The following MED13 variants were observed in gnomAD, a reference collection of about 807,000 sequenced individuals.
MED13 encodes the protein mediator of RNA polymerase II transcription subunit 13.
In MED13, 23 loss-of-function variants were observed where a neutral mutation model predicts 225.2. The observed-to-expected ratio is 0.10, with a 90% CI of 0.07 to 0.14. The LOEUF is 0.14. Ranked by LOEUF, MED13 falls within the 10% of genes least tolerant of loss-of-function variation. The pLI, the probability that MED13 is intolerant of heterozygous loss-of-function variation, is 1.00. For synonymous variants in MED13, 942 were observed against 889.2 expected (o/e 1.06, Z -1.06); for missense variants, 2,197 against 2,594.5 (o/e 0.85, Z 3.33).
At chr17:62,064,825 C>CA (rs1211653504) in intron 1 of MED13, among the ~76,000 whole-genome samples, 1 of 152,088 alleles carries the variant, frequency 6.6e-6, no homozygotes, top group Non-Finnish European at 1.5e-5. Context: ...AGAAAAGCAA[C>CA]AGTTAAGCAA....
chr17:62,039,748 C>T (rs1347267602), intron 3 of MED13, among the ~76,000 whole-genome samples: 1 of 151,998 alleles, frequency 6.6e-6, no homozygotes, highest in Non-Finnish European at 1.5e-5. Flanking sequence ...CCTGCCACTG[C>T]GTCCGGCTAG....
At chr17:62,018,715 CA>C (rs200425824) in intron 8 of MED13, among the ~76,000 whole-genome samples, 2,304 of 124,670 alleles carry the variant, frequency 0.018, 32 homozygotes, top group African/African-American at 0.05. Context: ...GACCCTATCT[CA>C]AAAAAAAAAA....
intron 20 of MED13, among the ~76,000 whole-genome samples, chr17:61,963,282 A>C (rs533000476): frequency 2.7e-5 from 4 of 149,038 alleles, no homozygotes; most frequent in African/African-American, 9.9e-5. Context: ...TATTAGATAC[A>C]AAAGATGGCT....
At position 61,961,602 on chromosome 17, in the gene MED13, G is replaced by A. The variant is rs772081353; in HGVS notation, c.5242C>T (p.Leu1748Phe). 2 of 1,613,248 alleles carry A rather than the reference G, an allele frequency of 1.2e-6. No individual in the cohort carries two copies. The highest frequency in any genetic ancestry group is 1.1e-5 in the South Asian group (1 of 91,036). Residue 1748 changes from leucine to phenylalanine, a missense_variant, in exon 22 of 30, where the codon CTT becomes TTT. Physicochemically the swap from Leu to Phe is conservative, Grantham distance 22. Transcript: ENST00000397786. ...FGPGLAMETA[L>F]RSPDRPECIR... The stretch of plus-strand genomic sequence containing the variant: ...CATATACTTACATCAGGACTTCTAA[G>A]GGCAGTTTCCATGGCTAAACCTGGA...
chr17:61,964,460 G>A (rs1367421764), intron 20 of MED13, among the ~76,000 whole-genome samples: 1 of 152,090 alleles, frequency 6.6e-6, no homozygotes, highest in Non-Finnish European at 1.5e-5. Flanking sequence ...AGCTACTCAG[G>A]AGGCTGAGGT....
chr17:62,054,565 C>T (rs2080982350), intron 2 of MED13, among the ~76,000 whole-genome samples: 1 of 152,100 alleles, frequency 6.6e-6, no homozygotes, highest in South Asian at 2.1e-4. Context: ...AGTGACTTCA[C>T]TTTAATTAAT....
At chr17:61,971,804 T>G (rs1308104900) in intron 17 of MED13, among the ~76,000 whole-genome samples, 1 of 151,804 alleles carries the variant, frequency 6.6e-6, no homozygotes, top group Admixed American at 6.6e-5. Context: ...CATGGTGGCG[T>G]GCACCCATAC....
At chr17:62,049,145 T>A (rs1050818890) in intron 3 of MED13, among the ~76,000 whole-genome samples, 2 of 127,362 alleles carry the variant, frequency 1.6e-5, no homozygotes, top group South Asian at 2.7e-4. Flanking sequence ...GCAAAGAGAA[T>A]CCCCAAGATG....
chr17:62,008,154 T>C (rs1398751719), intron 9 of MED13, among the ~76,000 whole-genome samples: 1 of 149,238 alleles, frequency 6.7e-6, no homozygotes, highest in Non-Finnish European at 1.5e-5. Flanking sequence ...CCGTCTCTAC[T>C]AAAAAATATA....
chr17:62,064,988 G>C, intron 1 of MED13, 152 bp downstream of exon 1: 2 of 559,772 alleles, frequency 3.6e-6, no homozygotes, highest in Non-Finnish European at 5.9e-6. Flanking sequence ...GCCGCCTCCC[G>C]GGGCTGGCCG....
intron 2 of MED13, among the ~76,000 whole-genome samples, chr17:62,053,615 T>C (rs1471416637): frequency 1.3e-5 from 2 of 152,216 alleles, no homozygotes; most frequent in African/African-American, 4.8e-5. Context: ...AGATTTTAAA[T>C]TGCTTAGTCT....
intron 8 of MED13, among the ~76,000 whole-genome samples, chr17:62,025,466 G>C (rs959874799): frequency 6.6e-6 from 1 of 152,118 alleles, no homozygotes; most frequent in Non-Finnish European, 1.5e-5. Context: ...TCAGGAGTTT[G>C]AGAACAGACT....
In MED13 at chr17:62,010,654, TGGGAA is replaced by T; in HGVS notation, c.1858_1862del (p.Phe620LysfsTer15). On this transcript the variant is annotated frameshift_variant, in exon 9 of 30. Coordinates refer to ENST00000397786, the MANE Select transcript of MED13 (RefSeq NM_005121.3). LOFTEE classifies it high-confidence loss of function. ...GTAAAAACTCTACATCTTTTTTCTT[TGGGAA>T]CTTGTAATACTTCCAGGCTATATTG... 6.7e-7 allele frequency: 1 copy of T among 1,501,800 alleles called. No homozygotes were observed. 93.0% of individuals were successfully genotyped at this position (1,501,800 alleles called of 1,614,324 possible).
intron 16 of MED13, among the ~76,000 whole-genome samples, chr17:61,977,841 T>C (rs528235102): frequency 2.8e-4 from 43 of 152,272 alleles, no homozygotes; most frequent in African/African-American, 1.0e-3. Context: ...TACTCCCGCC[T>C]CAGCCTCCCA....
In MED13 at chr17:61,946,446, G is replaced by A; in HGVS notation, c.*22C>T. On this transcript the variant is annotated 3_prime_UTR_variant, in exon 30 of 30. Transcript: ENST00000397786. ...ATCCATTTTTCCTTGTTCTTTTCTT[G>A]CACAGTTCCATCAAATGAAGATCAC... 6.2e-7 allele frequency: 1 copy of A among 1,608,756 alleles called. No homozygotes were observed. The highest frequency in any genetic ancestry group is 8.5e-7 in the Non-Finnish European group (1 of 1,177,166).
At chr17:61,963,145 A>C (rs756650403) in intron 20 of MED13, among the ~76,000 whole-genome samples, 174 bp from the exon 21 acceptor site, 33 of 149,050 alleles carry the variant, frequency 2.2e-4, no homozygotes, top group East Asian at 3.9e-4. Context: ...AACATTGTAC[A>C]TACAATTTCA....
intron 8 of MED13, among the ~76,000 whole-genome samples, chr17:62,018,766 C>T (rs965653919): frequency 6.6e-6 from 1 of 150,854 alleles, no homozygotes; most frequent in Non-Finnish European, 1.5e-5. Context: ...TATATGAATA[C>T]TAACTCATTT....
rs1432336828 is a variant in MED13 at position 61,982,579 on chromosome 17, G to T, written c.3424C>A (p.Leu1142Ile). 2 of 1,614,002 alleles carry T rather than the reference G, an allele frequency of 1.2e-6. No individual in the cohort carries two copies. Among genetic ancestry groups the T allele is most frequent in the Non-Finnish European group, 1.7e-6 (2 of 1,180,040 alleles). Reference sequence around the variant, plus strand: ...CCTATGATATCTAGTTCATCTTCAAGAAATAATCCTGAATTGTTTCCAAAT... The same window carrying T: ...CCTATGATATCTAGTTCATCTTCAATAAATAATCCTGAATTGTTTCCAAAT... ...RKFGNNSGLFLEDELDIIGRN... is the reference protein window; with the variant it reads ...RKFGNNSGLFIEDELDIIGRN... The change falls in exon 16 of 30, where the codon CTT becomes ATT. Residue 1142 changes from leucine (L) to isoleucine (I), a missense_variant. This residue lies in a region of MED13 where 203 missense variants were observed against 209.7 expected (regional missense o/e 0.97). Coordinates refer to ENST00000397786, the MANE Select transcript of MED13 (RefSeq NM_005121.3).
chr17:61,992,175 A>G (rs1305347121), intron 11 of MED13, among the ~76,000 whole-genome samples: 1 of 152,332 alleles, frequency 6.6e-6, no homozygotes, highest in African/African-American at 2.4e-5. Context: ...TTGGCATAGT[A>G]TAACAATGGC....
Sources: gnomAD v4.1 joint callset for allele counts (sites outside exome capture counted in the v4.1 genomes callset) on GRCh38, gnomAD v4.1.1 for gene constraint, gnomAD v4.1.1 regional missense constraint, MANE v1.5 for transcripts, NCBI Gene and HGNC (gene_info 2026-07-23, HGNC 2026-07-21) for gene names.